NPAS3: variants seen among roughly 807,000 people sequenced by gnomAD.
The protein encoded by NPAS3 is neuronal PAS domain-containing protein 3.
Under a neutral mutation model 73.1 loss-of-function variants are expected in NPAS3, and 14 were observed. The observed-to-expected ratio is 0.19, with a 90% CI of 0.13 to 0.30. The LOEUF (loss-of-function observed/expected upper bound fraction) is 0.30. Ranked by LOEUF, NPAS3 falls within the 10% of genes least tolerant of loss-of-function variation. The probability of loss-of-function intolerance (pLI) is 1.00; values close to 1 mark genes in which losing one functional copy is unlikely to be tolerated. For synonymous variants in NPAS3, 620 were observed against 541.5 expected (o/e 1.14, Z -2.01); for missense variants, 1,096 against 1,250.0 (o/e 0.88, Z 1.86).
At chr14:33,202,473 G>A (rs762888349) in intron 2 of NPAS3, among the ~76,000 whole-genome samples, 5 of 152,018 alleles carry the variant, frequency 3.3e-5, no homozygotes, top group Admixed American at 1.3e-4. Context: ...TTAAAATAAC[G>A]AATTTGTAAT....
At position 33,198,237 on chromosome 14, in the gene NPAS3, G is replaced by A. The variant is rs1010076154; in HGVS notation, c.141-16945G>A. On this transcript the variant is annotated intron_variant, in intron 2 of 11. Coordinates refer to ENST00000356141, the Ensembl canonical transcript of NPAS3. ...AGAGCAAAAGAACAAAGCTTCCACA[G>A]CATGGAAGGGGACCCAAGCAGTTTG... Among the ~76,000 whole-genome samples the A allele has an allele frequency of 7.2e-5, 11 of 152,156 alleles. No homozygotes were observed. In the South Asian group the frequency reaches 8.3e-4, roughly 11 times the overall value.
intron 9 of NPAS3, among the ~76,000 whole-genome samples, chr14:33,792,041 T>A (rs541888992): frequency 6.6e-6 from 1 of 151,946 alleles, no homozygotes; most frequent in Non-Finnish European, 1.5e-5. Flanking sequence ...GTTAACCAGG[T>A]TGAGAGGATT....
At chr14:33,481,684 C>T (rs1033321719) in intron 4 of NPAS3, among the ~76,000 whole-genome samples, 6 of 151,904 alleles carry the variant, frequency 3.9e-5, no homozygotes, top group African/African-American at 1.5e-4. Context: ...GAAAAAATAT[C>T]ACAGTGAAGG....
At chr14:33,095,092 C>T (rs1184998008) in intron 2 of NPAS3, among the ~76,000 whole-genome samples, 1 of 152,168 alleles carries the variant, frequency 6.6e-6, no homozygotes, top group East Asian at 1.9e-4. Context: ...CAGCAGAGTT[C>T]CAGATGACCA....
intron 2 of NPAS3, among the ~76,000 whole-genome samples, chr14:33,119,035 A>T (rs2139021607): frequency 6.6e-6 from 1 of 152,138 alleles, no homozygotes; most frequent in South Asian, 2.1e-4. Context: ...GAACAAAAAG[A>T]ACATTTTTTT....
chr14:33,274,304 A>G (rs1207810712), intron 3 of NPAS3, among the ~76,000 whole-genome samples: 2 of 152,224 alleles, frequency 1.3e-5, no homozygotes, highest in Non-Finnish European at 2.9e-5. Flanking sequence ...GACTTAGAAT[A>G]TGTAAGGAGG....
chr14:32,936,753 C>A (rs1001463381), upstream of NPAS3, among the ~76,000 whole-genome samples: 1 of 152,062 alleles, frequency 6.6e-6, no homozygotes, highest in African/African-American at 2.4e-5. Context: ...GTGTTGTTAT[C>A]CTTTACCATA....
chr14:32,985,696 A>C (rs77098846), intron 1 of NPAS3, among the ~76,000 whole-genome samples: 2,405 of 152,288 alleles, frequency 0.016, 63 homozygotes, highest in African/African-American at 0.054. Context: ...AAGAAAGCAG[A>C]AAAAAAGATT....
At position 33,247,447 on chromosome 14, in the gene NPAS3, G is replaced by T. The variant is rs182592327; in HGVS notation, c.385+32021G>T. 2.6e-5 allele frequency among the ~76,000 whole-genome samples: 4 copies of T among 152,236 alleles called. No individual in the cohort carries two copies. In the East Asian group the frequency reaches 7.7e-4, roughly 29 times the overall value. ...TTCCTTTACTTGAATATGAGGAGAA[G>T]GCTTTGGGCTGATTTTGAAATAGAG... is the stretch of plus-strand genomic sequence containing the variant. On this transcript the variant is annotated intron_variant, in intron 3 of 11. Transcript: ENST00000356141.
In NPAS3 at chr14:33,438,489, G is replaced by A. The variant is rs574843064; in HGVS notation, c.468+71221G>A. ...AACAGTAGCATGTGAAATGGAGGCT[G>A]AATTGCAAGGCTGAATCAGAGACAA... is the stretch of plus-strand genomic sequence containing the variant. On this transcript the variant is annotated intron_variant, in intron 4 of 11. Coordinates refer to ENST00000356141, the Ensembl canonical transcript of NPAS3. Among the ~76,000 whole-genome samples the A allele has an allele frequency of 2.6e-5, 4 of 152,322 alleles. No homozygotes were observed. In the East Asian group the frequency reaches 7.7e-4, roughly 29 times the overall value.
chr14:33,017,896 T>C (rs2039452016), intron 1 of NPAS3, among the ~76,000 whole-genome samples: 1 of 152,182 alleles, frequency 6.6e-6, no homozygotes. Context: ...CTAGGAGCAA[T>C]ACATGTAAAG....
intron 6 of NPAS3, among the ~76,000 whole-genome samples, chr14:33,712,541 C>T (rs943160): frequency 0.32 from 49,379 of 151,988 alleles, 8,643 homozygotes; most frequent in Admixed American, 0.51. Flanking sequence ...CATTCAAGTT[C>T]GAGACAAAAA....
chr14:33,487,003 C>A (rs1012023), intron 4 of NPAS3, among the ~76,000 whole-genome samples: 37,185 of 151,944 alleles, frequency 0.24, 11,928 homozygotes, highest in African/African-American at 0.73. Context: ...TTAAATTTGA[C>A]GAGGTGAAGA....
chr14:33,334,789 G>A (rs61972735), intron 3 of NPAS3, among the ~76,000 whole-genome samples: 16,405 of 152,068 alleles, frequency 0.11, 970 homozygotes, highest in Non-Finnish European at 0.14. Context: ...CTTGAGCAGC[G>A]TATACTTTAT....
chr14:33,068,278 C>T (rs1566525420), intron 2 of NPAS3, among the ~76,000 whole-genome samples: 1 of 152,222 alleles, frequency 6.6e-6, no homozygotes, highest in African/African-American at 2.4e-5. Flanking sequence ...TGCCTTTCAG[C>T]CTCCCTATAA....
At chr14:33,518,331 A>C (rs190923367) in intron 4 of NPAS3, among the ~76,000 whole-genome samples, 3 of 152,166 alleles carry the variant, frequency 2.0e-5, no homozygotes, top group Admixed American at 1.3e-4. Flanking sequence ...CTCTAGTTGG[A>C]TGGCAAGGTA....
intron 2 of NPAS3, among the ~76,000 whole-genome samples, chr14:33,091,639 G>A (rs2042227621): frequency 6.6e-6 from 1 of 151,992 alleles, no homozygotes; most frequent in African/African-American, 2.4e-5. Context: ...GCATCATCCT[G>A]ATACCAAAGC....
chr14:32,945,959 T>C (rs2036233512), intron 1 of NPAS3, among the ~76,000 whole-genome samples: 1 of 152,196 alleles, frequency 6.6e-6, no homozygotes, highest in African/African-American at 2.4e-5. Flanking sequence ...CTTCTGCTCA[T>C]ATAATTCATG....
intron 1 of NPAS3, among the ~76,000 whole-genome samples, chr14:33,021,051 A>G (rs1216016648): frequency 6.6e-6 from 1 of 152,198 alleles, no homozygotes; most frequent in South Asian, 2.1e-4. Context: ...GGCGTGAGCC[A>G]CTGCACCCGG....
Sources: allele counts gnomAD v4.1 joint callset (sites outside exome capture counted in the v4.1 genomes callset), GRCh38; gene constraint gnomAD v4.1.1; transcripts MANE v1.5; gene names NCBI Gene and HGNC (gene_info 2026-07-23, HGNC 2026-07-21).